GALNTL6: variants seen among roughly 807,000 people sequenced by gnomAD.
The protein encoded by GALNTL6 is polypeptide N-acetylgalactosaminyltransferase like 6.
In GALNTL6, 46 loss-of-function variants were observed where a neutral mutation model predicts 73.7. The ratio of observed to expected loss-of-function variants is 0.62; its 90% CI spans 0.49 to 0.80. The LOEUF is 0.80. GALNTL6 is among the 30% of genes least tolerant of loss of function. The pLI, the probability that GALNTL6 is intolerant of heterozygous loss-of-function variation, is 0.00. For missense variants in GALNTL6, 604 were observed against 755.0 expected (o/e 0.80, Z 2.34); for synonymous variants, 259 against 263.7 (o/e 0.98, Z 0.17).
At chr4:172,414,061 T>C (rs1465670971) in intron 5 of GALNTL6, among the ~76,000 whole-genome samples, 1 of 152,158 alleles carries the variant, frequency 6.6e-6, no homozygotes, top group Non-Finnish European at 1.5e-5. Context: ...AAGGTGTTTA[T>C]TATTTCTTAT....
At chr4:172,667,326 T>C (rs1409536384) in intron 5 of GALNTL6, 2 of 152,210 alleles carry the variant, frequency 1.3e-5, no homozygotes, top group African/African-American at 4.8e-5. Context: ...AAGGGAACAC[T>C]GTGATAAAGC....
chr4:172,156,241 G>C (rs1328365841), intron 2 of GALNTL6, among the ~76,000 whole-genome samples: 1 of 152,024 alleles, frequency 6.6e-6, no homozygotes, highest in Admixed American at 6.6e-5. Flanking sequence ...CTCTCGGCCA[G>C]CTTTCTTCCT....
chr4:172,230,207 G>A (rs1225398597), intron 3 of GALNTL6, among the ~76,000 whole-genome samples: 1 of 152,082 alleles, frequency 6.6e-6, no homozygotes, highest in African/African-American at 2.4e-5. Context: ...TCAAGCAGCT[G>A]GGGTTCTAAG....
intron 7 of GALNTL6, among the ~76,000 whole-genome samples, chr4:172,876,228 A>G (rs1401949059): frequency 6.6e-6 from 1 of 152,340 alleles, no homozygotes; most frequent in Admixed American, 6.5e-5. Flanking sequence ...ATTATATGTC[A>G]TTATGTGTGT....
At chr4:172,193,136 C>T (rs1735636975) in intron 2 of GALNTL6, among the ~76,000 whole-genome samples, 1 of 152,192 alleles carries the variant, frequency 6.6e-6, no homozygotes, top group Non-Finnish European at 1.5e-5. Flanking sequence ...GGGACTACCC[C>T]CAGCACAGTG....
intron 5 of GALNTL6, among the ~76,000 whole-genome samples, chr4:172,786,107 G>A (rs1335134751): frequency 1.3e-5 from 2 of 151,698 alleles, no homozygotes; most frequent in African/African-American, 4.9e-5. Flanking sequence ...CCAAAATAGG[G>A]CTACGAGAGA....
rs79438255 is a variant in GALNTL6 at position 171,822,672 on chromosome 4, T to C, written c.138+7954T>C. On this transcript the variant is annotated intron_variant, in intron 2 of 12. Transcript: ENST00000506823. ...TCTACCACTATCAATTTTTCTTTTA[T>C]TGTTGATACCATATTTTTGGATATG... 3.7e-3 allele frequency among the ~76,000 whole-genome samples: 558 copies of C among 152,304 alleles called. 4 individuals carry two copies. Among genetic ancestry groups the C allele is most frequent in the African/African-American group, 0.013 (531 of 41,578 alleles).
In GALNTL6 at chr4:172,560,425, G is replaced by A. The variant is rs573050343; in HGVS notation, c.553+211736G>A. On this transcript the variant is annotated intron_variant, in intron 5 of 12. Transcript: ENST00000506823. The stretch of plus-strand genomic sequence containing the variant: ...AGGCAGGAGGATCACTTGAGCCCAG[G>A]AGTTTAATGAGCCATGAGCCACCAC... Among the ~76,000 whole-genome samples the A allele has an allele frequency of 1.7e-4, 26 of 152,184 alleles. No individual in the cohort carries two copies. The South Asian group carries it at 2.5e-3, about 15-fold the overall frequency.
intron 7 of GALNTL6, among the ~76,000 whole-genome samples, chr4:172,837,756 T>C (rs1742990444): frequency 6.6e-6 from 1 of 152,220 alleles, no homozygotes; most frequent in African/African-American, 2.4e-5. Context: ...ATCACTGGAT[T>C]AATGATGGCC....
rs6839000 is a variant in GALNTL6 at position 172,655,469 on chromosome 4, G to A, written c.554-153892G>A. ...CCTGTACCTGATCCTTAAGCCCCACGTCCATCGTTTGATTAGGCATTTTTA... is the reference window on the plus strand; with the variant it reads ...CCTGTACCTGATCCTTAAGCCCCACATCCATCGTTTGATTAGGCATTTTTA... On this transcript the variant is annotated intron_variant, in intron 5 of 12. Transcript: ENST00000506823. Among the ~76,000 whole-genome samples, 433 of 152,182 alleles carry A rather than the reference G, an allele frequency of 2.8e-3. 1 individual carries two copies. Among genetic ancestry groups the A allele is most frequent in the African/African-American group, 9.7e-3 (403 of 41,520 alleles).
chr4:172,880,498 T>C (rs1198302199), intron 7 of GALNTL6, among the ~76,000 whole-genome samples: 4 of 152,006 alleles, frequency 2.6e-5, no homozygotes, highest in Non-Finnish European at 4.4e-5. Context: ...TCATTGCCTG[T>C]TGGAAGGAAA....
chr4:172,026,685 A>G (rs913647422), intron 2 of GALNTL6, among the ~76,000 whole-genome samples: 5 of 152,112 alleles, frequency 3.3e-5, no homozygotes, highest in African/African-American at 1.2e-4. Context: ...GGTTTTGTAT[A>G]TATACACATA....
At chr4:172,247,641 A>G (rs1429382490) in intron 3 of GALNTL6, among the ~76,000 whole-genome samples, 1 of 152,212 alleles carries the variant, frequency 6.6e-6, no homozygotes, top group Non-Finnish European at 1.5e-5. Flanking sequence ...TCTCAGGAAT[A>G]TAAATTTAAA....
intron 2 of GALNTL6, among the ~76,000 whole-genome samples, chr4:172,149,153 A>T (rs1276641109): frequency 6.6e-6 from 1 of 152,226 alleles, no homozygotes; most frequent in Non-Finnish European, 1.5e-5. Context: ...TATTGTAAGA[A>T]GTTCATAATT....
intron 2 of GALNTL6, among the ~76,000 whole-genome samples, chr4:171,888,584 T>C (rs1361227106): frequency 6.6e-6 from 1 of 151,946 alleles, no homozygotes; most frequent in African/African-American, 2.4e-5. Flanking sequence ...GGGACAGATG[T>C]AAAGGAAATA....
At chr4:172,294,034 C>T (rs1180105831) in intron 3 of GALNTL6, among the ~76,000 whole-genome samples, 1 of 151,136 alleles carries the variant, frequency 6.6e-6, no homozygotes, top group African/African-American at 2.4e-5. Flanking sequence ...CTATATTTTC[C>T]TTATTATATA....
rs1375224040 is a variant in GALNTL6, at chr4:173,040,891, T to G, written c.*791T>G. 1 of 152,600 alleles carries G rather than the reference T, an allele frequency of 6.6e-6. No homozygotes were observed. The highest frequency in any genetic ancestry group is 6.6e-5 in the Admixed American group (1 of 15,266). 9.5% of individuals were successfully genotyped at this position (152,600 alleles called of 1,614,324 possible). The stretch of plus-strand genomic sequence containing the variant: ...TATCAAGTTACTCCAAAGAAAGATT[T>G]CACAGAAGCAGCAAAACCATATAAG... On this transcript the variant is annotated 3_prime_UTR_variant, in exon 13 of 13. Transcript: ENST00000506823.
chr4:172,637,508 C>CA, intron 5 of GALNTL6, among the ~76,000 whole-genome samples: 1 of 152,182 alleles, frequency 6.6e-6, no homozygotes, highest in East Asian at 1.9e-4. Context: ...TGCCACTAGT[C>CA]AAAAATATTA....
At position 172,171,011 on chromosome 4, in the gene GALNTL6, C is replaced by G. The variant is rs77530895; in HGVS notation, c.139-58645C>G. Among the ~76,000 whole-genome samples the G allele has an allele frequency of 1.2e-3, 185 of 152,206 alleles. 3 individuals carry two copies. The East Asian group carries it at 0.028, about 23-fold the overall frequency. On this transcript the variant is annotated intron_variant, in intron 2 of 12. Coordinates refer to ENST00000506823, the MANE Select transcript of GALNTL6 (RefSeq NM_001034845.3). ...AGCAATAACACACATTAGTACCAGG[C>G]CTTGCCCCAGTTTATCTCTCATCAT...
Sources: gnomAD v4.1 joint callset for allele counts (sites outside exome capture counted in the v4.1 genomes callset) on GRCh38, gnomAD v4.1.1 for gene constraint, MANE v1.5 for transcripts, NCBI Gene and HGNC (gene_info 2026-07-23, HGNC 2026-07-21) for gene names.